NKAIN2: variants seen among roughly 807,000 people sequenced by gnomAD.
The protein encoded by NKAIN2 is sodium/potassium-transporting ATPase subunit beta-1-interacting protein 2.
A neutral mutation model predicts 32.6 loss-of-function variants in NKAIN2; 14 were observed. The ratio of observed to expected loss-of-function variants is 0.43; its 90% CI spans 0.28 to 0.67. NKAIN2 has a LOEUF of 0.67. Among genes scored for constraint, NKAIN2 ranks in the 30% least tolerant of loss-of-function variants. NKAIN2 has a pLI of 0.17. For missense variants in NKAIN2, 198 were observed against 258.3 expected, an observed-to-expected ratio of 0.77 and a Z score of 1.60; for synonymous variants, 80 against 87.2, an observed-to-expected ratio of 0.92 and a Z score of 0.46.
At chr6:124,795,421 T>G (rs761701590) in intron 5 of NKAIN2, among the ~76,000 whole-genome samples, 4 of 152,096 alleles carry the variant, frequency 2.6e-5, no homozygotes, top group Non-Finnish European at 4.4e-5. Flanking sequence ...CTAGACCCAA[T>G]GAAATACCAA....
At chr6:123,882,056 T>C (rs1446241468) in intron 1 of NKAIN2, among the ~76,000 whole-genome samples, 1 of 152,180 alleles carries the variant, frequency 6.6e-6, no homozygotes, top group Non-Finnish European at 1.5e-5. Flanking sequence ...TGAATATTTT[T>C]GAGAAATTAA....
At position 123,854,823 on chromosome 6, in the gene NKAIN2, G is replaced by A. The variant is rs78507075; in HGVS notation, c.54+50569G>A. ...ATCAGAAGGTCATTAACTTTATTAG[G>A]TCTTCAGGTTTTTCCTAGAAGGATG... On this transcript the variant is annotated intron_variant, in intron 1 of 6. Coordinates refer to ENST00000368417, the MANE Select transcript of NKAIN2 (RefSeq NM_001040214.3). 2.3e-3 allele frequency among the ~76,000 whole-genome samples: 348 copies of A among 152,236 alleles called. 2 individuals carry two copies. Among genetic ancestry groups the A allele is most frequent in the East Asian group, 0.012 (60 of 5,174 alleles).
rs1304976600 is a variant in NKAIN2 at position 124,634,977 on chromosome 6, AAGAG to A, written c.274-23207_274-23204del. On this transcript the variant is annotated intron_variant, in intron 3 of 6. Coordinates refer to ENST00000368417, the MANE Select transcript of NKAIN2 (RefSeq NM_001040214.3). ...CAAAGTGCTGAAAGAGAAAGAAAGA[AAGAG>A]AAAGAAGAGAGAAAGAAAAAAGAAA... Among the ~76,000 whole-genome samples, 7 of 151,724 alleles carry A rather than the reference AAGAG, an allele frequency of 4.6e-5. No homozygotes were observed. In the East Asian group the frequency reaches 7.7e-4, roughly 17 times the overall value.
At chr6:124,143,283 A>C in intron 1 of NKAIN2, among the ~76,000 whole-genome samples, 1 of 152,128 alleles carries the variant, frequency 6.6e-6, no homozygotes, top group East Asian at 1.9e-4. Context: ...CACAGTGAGA[A>C]TTCACGTCTA....
intron 4 of NKAIN2, among the ~76,000 whole-genome samples, chr6:124,711,130 C>A (rs1486905119): frequency 7.1e-6 from 1 of 141,548 alleles, no homozygotes; most frequent in Non-Finnish European, 1.5e-5. Context: ...GTTGAAAATT[C>A]TTTTCTTTAA....
chr6:124,430,869 C>T (rs774781883), intron 3 of NKAIN2, among the ~76,000 whole-genome samples: 9 of 152,138 alleles, frequency 5.9e-5, no homozygotes, highest in African/African-American at 1.2e-4. Context: ...CGTGCACACA[C>T]GCGCGCGCAC....
chr6:123,902,383 T>C (rs1418376385), intron 1 of NKAIN2, among the ~76,000 whole-genome samples: 1 of 152,124 alleles, frequency 6.6e-6, no homozygotes, highest in Non-Finnish European at 1.5e-5. Flanking sequence ...CTAAAAAAAG[T>C]TTCATTTTAT....
intron 4 of NKAIN2, among the ~76,000 whole-genome samples, chr6:124,772,869 G>A (rs890643763): frequency 2.4e-4 from 37 of 152,132 alleles, no homozygotes; most frequent in African/African-American, 8.9e-4. Flanking sequence ...CAGGTATAAT[G>A]TTTACTCTGG....
intron 1 of NKAIN2, among the ~76,000 whole-genome samples, chr6:123,925,824 C>T (rs1043603679): frequency 6.6e-6 from 1 of 152,166 alleles, no homozygotes; most frequent in Non-Finnish European, 1.5e-5. Flanking sequence ...TGGCATTTCA[C>T]ATATTATTTA....
At chr6:123,840,466 A>T (rs1774823295) in intron 1 of NKAIN2, among the ~76,000 whole-genome samples, 1 of 152,230 alleles carries the variant, frequency 6.6e-6, no homozygotes, top group African/African-American at 2.4e-5. Flanking sequence ...AGATTGAAGG[A>T]AAACTTGTAA....
intron 1 of NKAIN2, among the ~76,000 whole-genome samples, chr6:124,113,507 C>T (rs1355751819): frequency 2.0e-5 from 3 of 152,056 alleles, no homozygotes; most frequent in African/African-American, 7.2e-5. Flanking sequence ...GTATCAATGG[C>T]CTGTACCAGC....
chr6:123,862,012 G>A (rs1157344515), intron 1 of NKAIN2, among the ~76,000 whole-genome samples: 3 of 152,010 alleles, frequency 2.0e-5, no homozygotes, highest in Non-Finnish European at 4.4e-5. Flanking sequence ...ATATATTTTC[G>A]TTATCATTAT....
intron 4 of NKAIN2, among the ~76,000 whole-genome samples, chr6:124,685,850 G>GTAAC (rs1364573416): frequency 6.6e-6 from 1 of 152,164 alleles, no homozygotes; most frequent in Non-Finnish European, 1.5e-5. Flanking sequence ...TCAATTAAGA[G>GTAAC]TAACTTAGCA....
At chr6:124,449,915 G>A (rs908035203) in intron 3 of NKAIN2, among the ~76,000 whole-genome samples, 3 of 152,072 alleles carry the variant, frequency 2.0e-5, no homozygotes, top group South Asian at 2.1e-4. Flanking sequence ...GTGACTTTTC[G>A]GTTAGGCTGT....
At chr6:124,209,063 C>A (rs1791039723) in intron 1 of NKAIN2, among the ~76,000 whole-genome samples, 2 of 151,260 alleles carry the variant, frequency 1.3e-5, no homozygotes, top group Admixed American at 6.6e-5. Flanking sequence ...TAGATCATAA[C>A]CATTCTCCCT....
chr6:124,745,354 C>T (rs2114698279), intron 4 of NKAIN2, among the ~76,000 whole-genome samples: 1 of 151,800 alleles, frequency 6.6e-6, no homozygotes, highest in East Asian at 1.9e-4. Context: ...TTTTAATGTT[C>T]AGATTTTACC....
rs575826024 is a variant in NKAIN2, at chr6:124,280,768, C to A, written c.55-2237C>A. 5.3e-5 allele frequency among the ~76,000 whole-genome samples: 8 copies of A among 152,292 alleles called. No homozygotes were observed. The East Asian group carries it at 1.5e-3, about 29-fold the overall frequency. ...GCAGCTACTCCTACACATATTATAA[C>A]CCTTACACTTACTGAACTTTTCAGA... is the stretch of plus-strand genomic sequence containing the variant. On this transcript the variant is annotated intron_variant, in intron 1 of 6. Transcript: ENST00000368417.
At chr6:124,771,547 G>GTTGCTA (rs1354712139) in intron 4 of NKAIN2, among the ~76,000 whole-genome samples, 1 of 152,148 alleles carries the variant, frequency 6.6e-6, no homozygotes, top group Non-Finnish European at 1.5e-5. Flanking sequence ...ATATTTTGCT[G>GTTGCTA]AGGGACAACA....
intron 3 of NKAIN2, among the ~76,000 whole-genome samples, chr6:124,392,426 T>C (rs1318600897): frequency 1.4e-4 from 22 of 152,180 alleles, no homozygotes. Context: ...AATAAATTGG[T>C]TAGAAATAAC....
Sources: gnomAD v4.1 joint callset for allele counts (sites outside exome capture counted in the v4.1 genomes callset) on GRCh38, gnomAD v4.1.1 for gene constraint, MANE v1.5 for transcripts, NCBI Gene and HGNC (gene_info 2026-07-23, HGNC 2026-07-21) for gene names.